AGL: variants seen among roughly 807,000 people sequenced by gnomAD.
The protein encoded by AGL is amylo-alpha-1,6-glucosidase and 4-alpha-glucanotransferase, also known as glycogen debranching enzyme.
A neutral mutation model predicts 199.3 loss-of-function variants in AGL; 128 were observed. The observed-to-expected ratio is 0.64, with a 90% CI of 0.56 to 0.74. AGL has a LOEUF of 0.74. Among genes scored for constraint, AGL ranks in the 30% least tolerant of loss-of-function variants. AGL has a pLI of 0.00. For synonymous variants in AGL, 584 were observed against 594.7 expected (o/e 0.98, Z 0.26); for missense variants, 1,809 against 1,820.8 (o/e 0.99, Z 0.12).
intron 3 of AGL, 85 bp from the exon 4 acceptor site, chr1:99,862,171 AC>A (rs1650097302): frequency 1.6e-6 from 2 of 1,273,000 alleles, no homozygotes; most frequent in Non-Finnish European, 2.3e-6. Context: ...GGGACAATTA[AC>A]CTTTTAGTTA....
At chr1:99,873,919 A>C (rs1003881730) in intron 7 of AGL, among the ~76,000 whole-genome samples, 5 of 152,336 alleles carry the variant, frequency 3.3e-5, no homozygotes, top group Non-Finnish European at 7.3e-5. Flanking sequence ...GCCAGACACA[A>C]ATTAATTAGT....
intron 12 of AGL, 105 bp downstream of exon 12, chr1:99,877,933 C>G: frequency 9.2e-7 from 1 of 1,083,354 alleles, no homozygotes; most frequent in Non-Finnish European, 1.4e-6. Context: ...GCTAGTTGGA[C>G]ACAAGCATTG....
At chr1:99,875,331 G>A in intron 9 of AGL, 27 bp from the exon 10 acceptor site, 1 of 1,613,186 alleles carries the variant, frequency 6.2e-7, no homozygotes, top group East Asian at 2.2e-5. Context: ...GGATGGTGAT[G>A]ATCTAACACA....
At chr1:99,890,202 C>T (rs536060131) in intron 21 of AGL, among the ~76,000 whole-genome samples, 1 of 152,284 alleles carries the variant, frequency 6.6e-6, no homozygotes, top group African/African-American at 2.4e-5. Flanking sequence ...TTTTCCAAAT[C>T]TTGTTACCTC....
Position 99,870,400 on chromosome 1 carries a change from C to T in AGL, c.665C>T (p.Ala222Val), listed in dbSNP as rs762643041. The T allele has an allele frequency of 1.9e-6, 3 of 1,613,356 alleles. No individual in the cohort carries two copies. The highest frequency in any genetic ancestry group is 2.7e-5 in the African/African-American group (2 of 74,848). Reference sequence around the variant, plus strand: ...CCTTTGTGTCTCCTTTTTCCTTCAGCTGCTAATAGTAAATGGATCCAGGAA... The same window carrying T: ...CCTTTGTGTCTCCTTTTTCCTTCAGTTGCTAATAGTAAATGGATCCAGGAA... ...CITDVVYNHT[A>V]ANSKWIQEHP... Residue 222 changes from alanine to valine, a missense_variant and splice_region_variant, in exon 6 of 34, where the codon GCT (alanine) becomes GTT (valine). Ala to Val is a moderately conservative substitution (Grantham distance 64, BLOSUM62 0). Transcript: ENST00000361915.
chr1:99,850,963 T>G lies in AGL; in HGVS notation c.-68-12T>G. ...GTTATTTTCGATATTTTAACTCCTT[T>G]TTGTTTCATAGGGGTAACTCATTCG... On this transcript the variant is annotated splice_polypyrimidine_tract_variant and intron_variant, in intron 1 of 33. Coordinates refer to ENST00000361915, the MANE Select transcript of AGL (RefSeq NM_000642.3). 1 of 1,197,810 alleles carries G rather than the reference T, an allele frequency of 8.3e-7. No homozygotes were observed. Among genetic ancestry groups the G allele is most frequent in the Non-Finnish European group, 1.2e-6 (1 of 803,298 alleles). The allele number at this position is 1,197,810 out of a possible 1,614,324, so 74.2% of individuals were successfully genotyped here. A position where few individuals can be genotyped will look rare whatever the true frequency, so the allele number is the denominator to read the frequency against.
chr1:99,887,652 A>C (rs1276793072), intron 20 of AGL, among the ~76,000 whole-genome samples: 4 of 152,174 alleles, frequency 2.6e-5, no homozygotes, highest in Non-Finnish European at 5.9e-5. Flanking sequence ...CACTAAGTCC[A>C]AACTAGAAAG....
intron 7 of AGL, among the ~76,000 whole-genome samples, chr1:99,871,943 T>C (rs1439720700): frequency 2.0e-5 from 3 of 151,812 alleles, no homozygotes; most frequent in Non-Finnish European, 4.4e-5. Flanking sequence ...AAAAATTCAA[T>C]TTTATATATA....
chr1:99,878,883 T>A (rs778897896), intron 12 of AGL, among the ~76,000 whole-genome samples: 6 of 152,218 alleles, frequency 3.9e-5, no homozygotes, highest in Non-Finnish European at 8.8e-5. Context: ...AGAAATATGC[T>A]TCTAAGATTG....
At chr1:99,864,634 A>G in intron 5 of AGL, 45 bp downstream of exon 5, 1 of 1,471,486 alleles carries the variant, frequency 6.8e-7, no homozygotes, top group Non-Finnish European at 9.5e-7. Flanking sequence ...ATGAGAATTT[A>G]TGCACACACA....
intron 12 of AGL, among the ~76,000 whole-genome samples, chr1:99,878,765 A>T (rs1008207273): frequency 2.0e-5 from 3 of 152,152 alleles, no homozygotes; most frequent in African/African-American, 7.2e-5. Flanking sequence ...ATGATGAAAA[A>T]TTGATTTGAT....
intron 24 of AGL, among the ~76,000 whole-genome samples, chr1:99,893,490 T>A (rs1653064917): frequency 6.6e-6 from 1 of 152,220 alleles, no homozygotes. Context: ...CAGATGCTCA[T>A]GAAACTGACC....
chr1:99,902,290 T>C (rs1302181132), intron 26 of AGL, among the ~76,000 whole-genome samples: 1 of 152,192 alleles, frequency 6.6e-6, no homozygotes, highest in Admixed American at 6.6e-5. Flanking sequence ...TCCCTTTAGC[T>C]CATAATTTAC....
At chr1:99,865,817 A>G (rs774425494) in intron 5 of AGL, among the ~76,000 whole-genome samples, 1 of 152,246 alleles carries the variant, frequency 6.6e-6, no homozygotes, top group Non-Finnish European at 1.5e-5. Flanking sequence ...TGGTTCATCA[A>G]TATAAATAAA....
chr1:99,865,950 A>G (rs112513242), intron 5 of AGL, among the ~76,000 whole-genome samples: 3 of 152,250 alleles, frequency 2.0e-5, no homozygotes, highest in African/African-American at 7.2e-5. Flanking sequence ...ATACCTAAGA[A>G]CTCAGTATTC....
intron 2 of AGL, chr1:99,852,650 A>G (rs1649071210): frequency 2.6e-6 from 2 of 766,986 alleles, no homozygotes; most frequent in Non-Finnish European, 4.9e-6. Context: ...TACTGGGATT[A>G]CAAGCATAAG....
At chr1:99,917,217 C>T (rs916401820) in intron 33 of AGL, among the ~76,000 whole-genome samples, 1 of 152,152 alleles carries the variant, frequency 6.6e-6, no homozygotes, top group African/African-American at 2.4e-5. Flanking sequence ...AGTTACGTAT[C>T]TTTATAAGAG....
intron 24 of AGL, among the ~76,000 whole-genome samples, chr1:99,893,763 A>G (rs1454516764): frequency 6.6e-6 from 1 of 152,218 alleles, no homozygotes; most frequent in Non-Finnish European, 1.5e-5. Context: ...ATTTGCTCCT[A>G]GCATCCCAAG....
intron 25 of AGL, among the ~76,000 whole-genome samples, chr1:99,899,526 C>CTT (rs56749978): frequency 2.7e-4 from 37 of 137,842 alleles, no homozygotes; most frequent in East Asian, 8.2e-4. Flanking sequence ...CTCTCTCTCT[C>CTT]TCTTTCTCTC....
Sources: allele counts gnomAD v4.1 joint callset (sites outside exome capture counted in the v4.1 genomes callset), GRCh38; gene constraint gnomAD v4.1.1; transcripts MANE v1.5; gene names NCBI Gene and HGNC (gene_info 2026-07-23, HGNC 2026-07-21).